ARMC8: variants seen among roughly 807,000 people sequenced by gnomAD.
ARMC8 encodes the protein armadillo repeat containing 8, also known as armadillo repeat-containing protein 8.
A neutral mutation model predicts 99.3 loss-of-function variants in ARMC8; 20 were observed. The observed-to-expected ratio is 0.20, with a 90% CI of 0.14 to 0.29. The LOEUF (loss-of-function observed/expected upper bound fraction) is 0.29. ARMC8 is among the 10% of genes least tolerant of loss of function. ARMC8 has a pLI of 1.00. For synonymous variants in ARMC8, 263 were observed against 278.3 expected (o/e 0.95, Z 0.55); for missense variants, 569 against 809.5 (o/e 0.70, Z 3.60).
intron 1 of ARMC8, among the ~76,000 whole-genome samples, chr3:138,200,737 C>A (rs116421072): frequency 2.2e-4 from 34 of 152,026 alleles, no homozygotes; most frequent in Non-Finnish European, 4.3e-4. Flanking sequence ...TTCCATCTCC[C>A]CTCCAGTGTG....
rs1212903391 is a variant in ARMC8, at chr3:138,202,138, ATGC to A, written c.46-7676_46-7674del. ...CCCCAAACCAGGATTTTCTCTCACA[ATGC>A]TGAATTATGAACAGTTTTATCTTGA... On this transcript the variant is annotated intron_variant, in intron 1 of 21. Coordinates refer to ENST00000469044, the MANE Select transcript of ARMC8 (RefSeq NM_001363941.2). Among the ~76,000 whole-genome samples the A allele has an allele frequency of 2.0e-5, 3 of 152,288 alleles. No individual in the cohort carries two copies. In the East Asian group the frequency reaches 5.8e-4, roughly 29 times the overall value.
intron 1 of ARMC8, among the ~76,000 whole-genome samples, chr3:138,195,575 C>A (rs925558936): frequency 3.9e-5 from 6 of 152,144 alleles, no homozygotes; most frequent in Admixed American, 3.9e-4. Context: ...AAAATACTTA[C>A]TGTCAGCAGA....
intron 12 of ARMC8, among the ~76,000 whole-genome samples, chr3:138,255,206 G>GTTT (rs1319216904): frequency 1.8e-4 from 21 of 115,210 alleles, no homozygotes; most frequent in African/African-American, 2.8e-4. Flanking sequence ...TTTTTTTTTT[G>GTTT]TTTTTTTTTT....
Position 138,198,303 on chromosome 3 carries a change from A to G in ARMC8, c.45+10704A>G, listed in dbSNP as rs1402309364. Among the ~76,000 whole-genome samples, 4 of 152,164 alleles carry G rather than the reference A, an allele frequency of 2.6e-5. No homozygotes were observed. The East Asian group carries it at 5.8e-4, about 22-fold the overall frequency. On this transcript the variant is annotated intron_variant, in intron 1 of 21. Coordinates refer to ENST00000469044, the MANE Select transcript of ARMC8 (RefSeq NM_001363941.2). ...AGAAACTCCCTCTTTGTTTGAGTAT[A>G]AAATCATGGAATCTTTTCTTGGAAG...
chr3:138,194,993 C>T (rs1369201757), intron 1 of ARMC8, among the ~76,000 whole-genome samples: 1 of 151,746 alleles, frequency 6.6e-6, no homozygotes, highest in East Asian at 1.9e-4. Flanking sequence ...ATCAGTAAAT[C>T]GCCAGGTGCA....
chr3:138,199,696 AT>A (rs1269583272), intron 1 of ARMC8, among the ~76,000 whole-genome samples: 9 of 152,216 alleles, frequency 5.9e-5, no homozygotes, highest in Admixed American at 3.3e-4. Flanking sequence ...GTGATTTGAA[AT>A]TAAAGCACAA....
intron 2 of ARMC8, 23 bp from the exon 3 acceptor site, chr3:138,221,903 A>AT (rs764550018): frequency 6.3e-6 from 10 of 1,582,930 alleles, no homozygotes; most frequent in Non-Finnish European, 7.8e-6. Flanking sequence ...AACATACTTT[A>AT]TTTTTTCTTC....
At chr3:138,256,661 C>T (rs1475452787) in intron 12 of ARMC8, among the ~76,000 whole-genome samples, 6 of 152,086 alleles carry the variant, frequency 3.9e-5, no homozygotes, top group Admixed American at 6.5e-5. Flanking sequence ...CTGCCCGCCT[C>T]GGCCTCCCAA....
At chr3:138,204,593 T>C (rs1200489208) in intron 1 of ARMC8, among the ~76,000 whole-genome samples, 1 of 152,234 alleles carries the variant, frequency 6.6e-6, no homozygotes, top group Non-Finnish European at 1.5e-5. Context: ...GGCCCCACTG[T>C]ACTGCTGTTG....
At chr3:138,193,316 A>G (rs1024805457) in intron 1 of ARMC8, among the ~76,000 whole-genome samples, 2 of 151,262 alleles carry the variant, frequency 1.3e-5, no homozygotes, top group Admixed American at 6.6e-5. Flanking sequence ...GCTGGAGTGC[A>G]GTGGTGTGAT....
intron 12 of ARMC8, chr3:138,262,406 T>C: frequency 2.9e-6 from 3 of 1,040,406 alleles, no homozygotes; most frequent in Non-Finnish European, 2.8e-6. Flanking sequence ...TGTGGTTCCC[T>C]GTTCTTAATA....
intron 2 of ARMC8, among the ~76,000 whole-genome samples, chr3:138,212,957 G>A (rs950017301): frequency 6.6e-6 from 1 of 152,172 alleles, no homozygotes; most frequent in African/African-American, 2.4e-5. Context: ...TTTCAAGTTT[G>A]ATTTTTCTCA....
intron 18 of ARMC8, 106 bp from the exon 19 acceptor site, chr3:138,284,325 G>A: frequency 2.6e-6 from 2 of 780,412 alleles, no homozygotes; most frequent in South Asian, 3.1e-5. Context: ...AGTGGAACCT[G>A]TGAGAATCCA....
intron 2 of ARMC8, among the ~76,000 whole-genome samples, chr3:138,217,672 T>C (rs892138273): frequency 2.6e-5 from 4 of 152,226 alleles, no homozygotes; most frequent in African/African-American, 9.6e-5. Flanking sequence ...AGATTTTGGC[T>C]GAAAATCTTT....
intron 3 of ARMC8, among the ~76,000 whole-genome samples, chr3:138,222,997 T>C (rs1318409927): frequency 6.6e-6 from 1 of 152,178 alleles, no homozygotes; most frequent in Non-Finnish European, 1.5e-5. Flanking sequence ...GCACCACTGC[T>C]CTGGATTCAG....
At chr3:138,247,895 A>C (rs922908941) in intron 12 of ARMC8, among the ~76,000 whole-genome samples, 1 of 152,254 alleles carries the variant, frequency 6.6e-6, no homozygotes, top group Non-Finnish European at 1.5e-5. Flanking sequence ...CCTGGAACTT[A>C]ATAAGCACTC....
chr3:138,192,405 G>T lies in ARMC8; in HGVS notation c.45+4806G>T, dbSNP rs1489585918. ...CCATTCTCCTGCTTCAGCCTCCTCA[G>T]TAGCTGGGACTACAGGTGCCCGCCA... On this transcript the variant is annotated intron_variant, in intron 1 of 21. Transcript: ENST00000469044. Among the ~76,000 whole-genome samples the T allele has an allele frequency of 1.3e-5, 2 of 150,780 alleles. 1 individual carries two copies. Among genetic ancestry groups the T allele is most frequent in the African/African-American group, 4.9e-5 (2 of 40,932 alleles).
At chr3:138,293,915 T>C (rs1443997975) in intron 21 of ARMC8, among the ~76,000 whole-genome samples, 2 of 152,228 alleles carry the variant, frequency 1.3e-5, no homozygotes, top group East Asian at 1.9e-4. Flanking sequence ...TTTTTAGCTC[T>C]TCTTAAACGT....
At chr3:138,287,560 C>T in intron 19 of ARMC8, 1 of 452,250 alleles carries the variant, frequency 2.2e-6, no homozygotes, top group South Asian at 1.6e-5. Context: ...TATACAAGCT[C>T]ATTTATTCAA....
Sources: gnomAD v4.1 joint callset for allele counts (sites outside exome capture counted in the v4.1 genomes callset) on GRCh38, gnomAD v4.1.1 for gene constraint, MANE v1.5 for transcripts, NCBI Gene and HGNC (gene_info 2026-07-23, HGNC 2026-07-21) for gene names.